The following DAB1 variants were observed in gnomAD, a reference collection of about 807,000 sequenced individuals.
The protein encoded by DAB1 is DAB adaptor protein 1, also known as disabled homolog 1.
Under a neutral mutation model 64.6 loss-of-function variants are expected in DAB1, and 15 were observed. That is an observed-to-expected ratio of 0.23 (90% CI 0.16 to 0.36). The LOEUF is 0.36. DAB1 is among the 10% of genes least tolerant of loss of function. DAB1 has a pLI of 1.00. For synonymous variants in DAB1, 235 were observed against 251.9 expected, an observed-to-expected ratio of 0.93 and a Z score of 0.64; for missense variants, 596 against 706.7, an observed-to-expected ratio of 0.84 and a Z score of 1.78.
intron 7 of DAB1, among the ~76,000 whole-genome samples, chr1:57,566,603 A>G (rs931933033): frequency 1.6e-4 from 25 of 152,230 alleles, no homozygotes; most frequent in Non-Finnish European, 3.2e-4. Flanking sequence ...TATCACCACC[A>G]ATCCCACAGA....
chr1:57,089,738 T>G (rs1415273786), intron 4 of DAB1, among the ~76,000 whole-genome samples: 1 of 152,184 alleles, frequency 6.6e-6, no homozygotes, highest in Non-Finnish European at 1.5e-5. Flanking sequence ...AACATGAGAT[T>G]TGATGGGGAC....
At chr1:57,510,883 A>G (rs1192467659) in intron 7 of DAB1, among the ~76,000 whole-genome samples, 2 of 152,142 alleles carry the variant, frequency 1.3e-5, no homozygotes, top group African/African-American at 2.4e-5. Context: ...AACTCAAGCA[A>G]TGCTCCTGCC....
chr1:58,385,945 G>A (rs1193442223), intron 3 of DAB1, among the ~76,000 whole-genome samples: 1 of 152,172 alleles, frequency 6.6e-6, no homozygotes, highest in African/African-American at 2.4e-5. Flanking sequence ...ATCTGACTGA[G>A]GAAAGACTCT....
chr1:58,209,048 G>T (rs2100286698), intron 4 of DAB1, among the ~76,000 whole-genome samples: 1 of 152,278 alleles, frequency 6.6e-6, no homozygotes, highest in South Asian at 2.1e-4. Context: ...ATAAGGAAGA[G>T]TTTTTCAGGA....
intron 6 of DAB1, among the ~76,000 whole-genome samples, chr1:57,653,553 G>A (rs1319959649): frequency 6.6e-6 from 1 of 152,144 alleles, no homozygotes; most frequent in Non-Finnish European, 1.5e-5. Context: ...GGGTACCTAT[G>A]TGTGAGATTT....
chr1:58,188,924 C>G (rs1197928253), intron 4 of DAB1, among the ~76,000 whole-genome samples: 3 of 152,142 alleles, frequency 2.0e-5, no homozygotes, highest in Non-Finnish European at 4.4e-5. Flanking sequence ...GAACCAAGCA[C>G]AGCAAAAGTA....
At chr1:57,596,540 T>C (rs1645512386) in intron 7 of DAB1, among the ~76,000 whole-genome samples, 1 of 152,078 alleles carries the variant, frequency 6.6e-6, no homozygotes, top group Non-Finnish European at 1.5e-5. Context: ...GTGCTTACTG[T>C]CTGAAGCCCT....
intron 6 of DAB1, among the ~76,000 whole-genome samples, chr1:57,763,957 G>A (rs562279336): frequency 6.6e-6 from 1 of 152,254 alleles, no homozygotes; most frequent in East Asian, 1.9e-4. Context: ...CAAATAGTTT[G>A]TCTATCAGGT....
chr1:58,406,850 C>T (rs10465839), intron 3 of DAB1, among the ~76,000 whole-genome samples: 49,469 of 151,818 alleles, frequency 0.33, 8,250 homozygotes, highest in Non-Finnish European at 0.36. Context: ...GCTCCCTACC[C>T]GCTGTGTGAC....
intron 6 of DAB1, among the ~76,000 whole-genome samples, chr1:57,759,843 C>T (rs939478769): frequency 1.1e-4 from 17 of 152,052 alleles, no homozygotes; most frequent in African/African-American, 2.7e-4. Flanking sequence ...GTAACTTACA[C>T]GCAATTGTGC....
At chr1:58,258,249 C>T (rs771951755) in intron 4 of DAB1, among the ~76,000 whole-genome samples, 2 of 152,128 alleles carry the variant, frequency 1.3e-5, no homozygotes, top group African/African-American at 4.8e-5. Flanking sequence ...ACAGACACGC[C>T]GGGGGCACCA....
chr1:57,223,989 T>C (rs1220582820), intron 2 of DAB1, among the ~76,000 whole-genome samples: 1 of 152,198 alleles, frequency 6.6e-6, no homozygotes, highest in Non-Finnish European at 1.5e-5. Flanking sequence ...TGATTTTATG[T>C]GAGGTACTCC....
intron 7 of DAB1, among the ~76,000 whole-genome samples, chr1:57,542,589 A>C (rs1644814767): frequency 6.6e-6 from 1 of 151,784 alleles, no homozygotes; most frequent in Non-Finnish European, 1.5e-5. Flanking sequence ...GGAAAACTAC[A>C]TGGGAGTCAG....
At chr1:57,475,920 G>C (rs1267286760) in intron 7 of DAB1, among the ~76,000 whole-genome samples, 1 of 152,124 alleles carries the variant, frequency 6.6e-6, no homozygotes, top group Non-Finnish European at 1.5e-5. Context: ...TGGAGCTTAG[G>C]AATGTCTACA....
chr1:57,928,085 G>C (rs1416646284), intron 5 of DAB1, among the ~76,000 whole-genome samples: 1 of 151,968 alleles, frequency 6.6e-6, no homozygotes, highest in Non-Finnish European at 1.5e-5. Context: ...TGAGGTAAAA[G>C]TTATATACAA....
intron 7 of DAB1, among the ~76,000 whole-genome samples, chr1:57,502,335 A>AAAAAG (rs1553188312): frequency 5.5e-5 from 8 of 146,644 alleles, no homozygotes; most frequent in East Asian, 2.0e-4. Flanking sequence ...AAAAAAAAAA[A>AAAAAG]AAAGAAAGAA....
intron 6 of DAB1, among the ~76,000 whole-genome samples, chr1:57,790,863 G>T (rs916397310): frequency 2.0e-5 from 3 of 152,230 alleles, no homozygotes; most frequent in African/African-American, 7.2e-5. Flanking sequence ...AAAGCACCTG[G>T]TGCATTACTA....
At chr1:57,004,546 T>G (rs1645994947) in intron 14 of DAB1, among the ~76,000 whole-genome samples, 2 of 152,180 alleles carry the variant, frequency 1.3e-5, no homozygotes, top group African/African-American at 4.8e-5. Context: ...CAAGCGAAGC[T>G]GAGGATCAGA....
At chr1:58,413,632 C>T (rs930008629) in intron 3 of DAB1, among the ~76,000 whole-genome samples, 7 of 151,998 alleles carry the variant, frequency 4.6e-5, no homozygotes, top group African/African-American at 9.7e-5. Flanking sequence ...TGGGGGTCTG[C>T]GTTGAGTGAG....
Sources: gnomAD v4.1 joint callset for allele counts (sites outside exome capture counted in the v4.1 genomes callset) on GRCh38, gnomAD v4.1.1 for gene constraint, MANE v1.5 for transcripts, NCBI Gene and HGNC (gene_info 2026-07-23, HGNC 2026-07-21) for gene names.